The following TAS2R1 variants were observed in gnomAD, a reference collection of about 807,000 sequenced individuals.
The protein encoded by TAS2R1 is taste receptor type 2 member 1.
For missense variants in TAS2R1, 370 were observed against 353.4 expected (o/e 1.05, Z -0.38); for synonymous variants, 141 against 134.2 (o/e 1.05, Z -0.35).
the TAS2R1 span, among the ~76,000 whole-genome samples, chr5:9,801,157 T>C: frequency 2.6e-5 from 4 of 152,172 alleles, no homozygotes; most frequent in Admixed American, 6.5e-5. Context: ...CACTATTGCA[T>C]TCCAGCCTGG....
chr5:9,824,371 A>G, the TAS2R1 span, among the ~76,000 whole-genome samples: 1 of 152,236 alleles, frequency 6.6e-6, no homozygotes, highest in African/African-American at 2.4e-5. Context: ...TTGATGGAAC[A>G]GCAGCCAGAT....
At chr5:9,693,175 T>A (rs979497950) in intron 1 of TAS2R1, among the ~76,000 whole-genome samples, 9 of 152,120 alleles carry the variant, frequency 5.9e-5, no homozygotes, top group African/African-American at 1.9e-4. Context: ...TTAATATAAA[T>A]TCTGATGAAT....
Position 9,630,165 on chromosome 5 carries a change from G to T in TAS2R1, c.-133C>A, listed in dbSNP as rs1180585962. Reference sequence around the variant, plus strand: ...GACTAACAATAAAGGCATGGGGCAGGAAGGTGGTGTACATTTGTTTATGTC... The same window carrying T: ...GACTAACAATAAAGGCATGGGGCAGTAAGGTGGTGTACATTTGTTTATGTC... On this transcript the variant is annotated 5_prime_UTR_variant, in exon 1 of 1. Coordinates refer to ENST00000382492, the MANE Select transcript of TAS2R1 (RefSeq NM_019599.3). The T allele has an allele frequency of 2.9e-6, 2 of 700,042 alleles. No homozygotes were observed. The highest frequency in any genetic ancestry group is 1.8e-5 in the African/African-American group (1 of 55,562). 43.4% of individuals were successfully genotyped at this position (700,042 alleles called of 1,614,324 possible). A position where few individuals can be genotyped will look rare whatever the true frequency, so the allele number is the denominator to read the frequency against.
intron 2 of TAS2R1, among the ~76,000 whole-genome samples, chr5:9,654,966 A>G (rs772251668): frequency 6.6e-6 from 1 of 152,232 alleles, no homozygotes; most frequent in Non-Finnish European, 1.5e-5. Flanking sequence ...TGCTCACAGT[A>G]GCTTTATTTA....
the TAS2R1 span, among the ~76,000 whole-genome samples, chr5:9,781,329 T>C: frequency 6.6e-6 from 1 of 152,276 alleles, no homozygotes; most frequent in Non-Finnish European, 1.5e-5. Context: ...TGCATTCAAA[T>C]CCTGCTGGCT....
chr5:9,655,581 C>T (rs995341558), intron 2 of TAS2R1, among the ~76,000 whole-genome samples: 44 of 151,930 alleles, frequency 2.9e-4, no homozygotes, highest in African/African-American at 9.7e-4. Flanking sequence ...ATATAAGCCC[C>T]AAACAAAATT....
chr5:9,658,034 C>T (rs963001726), intron 2 of TAS2R1, among the ~76,000 whole-genome samples: 1 of 152,120 alleles, frequency 6.6e-6, no homozygotes, highest in Non-Finnish European at 1.5e-5. Flanking sequence ...AAATCCAGGG[C>T]TCCTCCCCTT....
Position 9,629,518 on chromosome 5 carries a change from A to C in TAS2R1, c.515T>G (p.Leu172Arg). ...AACAAAAGAGAAAATCTGTATAGCC[A>C]GTGTATCTTCTTTTTGAATTGTGGC... The part of the protein sequence containing the change: ...QNATIQKEDT[L>R]AIQIFSFVAE... The change falls in exon 1 of 1, where the codon CTG (leucine) becomes CGG (arginine). Residue 172 changes from leucine to arginine, a missense_variant. Leu to Arg is a moderately radical substitution (Grantham distance 102). Coordinates refer to ENST00000382492, the MANE Select transcript of TAS2R1 (RefSeq NM_019599.3). 1 of 1,614,148 alleles carries C rather than the reference A, an allele frequency of 6.2e-7. No homozygotes were observed. Among genetic ancestry groups the C allele is most frequent in the South Asian group, 1.1e-5 (1 of 91,080 alleles).
the TAS2R1 span, among the ~76,000 whole-genome samples, chr5:9,858,817 G>C: frequency 2.6e-5 from 4 of 152,148 alleles, no homozygotes; most frequent in African/African-American, 9.7e-5. Flanking sequence ...GCACTTCCCT[G>C]TCTGTATAAT....
the TAS2R1 span, among the ~76,000 whole-genome samples, chr5:9,872,041 T>A: frequency 1.6e-4 from 25 of 152,080 alleles, no homozygotes; most frequent in Non-Finnish European, 8.8e-5. Context: ...AAGTTATATA[T>A]GGGCATAAAT....
chr5:9,660,225 A>ATTTTTTTT (rs35208333), intron 1 of TAS2R1, among the ~76,000 whole-genome samples: 736 of 88,684 alleles, frequency 8.3e-3, no homozygotes, highest in Non-Finnish European at 0.01. Context: ...CTCCCGGCTA[A>ATTTTTTTT]TTTTTTTTTT....
chr5:9,894,685 T>C, the TAS2R1 span, among the ~76,000 whole-genome samples: 1 of 152,256 alleles, frequency 6.6e-6, no homozygotes. Context: ...AGTTCTATCC[T>C]GGTCACCTAG....
chr5:9,642,203 C>T (rs777883560), intron 2 of TAS2R1, among the ~76,000 whole-genome samples: 18 of 152,174 alleles, frequency 1.2e-4, no homozygotes, highest in Middle Eastern at 6.8e-3. Context: ...TTCTGCTTTC[C>T]GGCGGCACTT....
chr5:9,895,471 G>A, the TAS2R1 span, among the ~76,000 whole-genome samples: 1 of 152,200 alleles, frequency 6.6e-6, no homozygotes, highest in East Asian at 1.9e-4. Context: ...GGCTGAGCCG[G>A]GCAGCAGGCA....
chr5:9,855,567 A>G, the TAS2R1 span, among the ~76,000 whole-genome samples: 1 of 152,206 alleles, frequency 6.6e-6, no homozygotes, highest in African/African-American at 2.4e-5. Flanking sequence ...ACTTCAAGTA[A>G]TTGGGCAAAT....
chr5:9,738,594 A>G, the TAS2R1 span, among the ~76,000 whole-genome samples: 1 of 152,136 alleles, frequency 6.6e-6, no homozygotes. Context: ...TTAAACACCC[A>G]TTTCTATTTT....
chr5:9,628,985 C>A lies in TAS2R1; in HGVS notation c.*148G>T. ...TTAACTGCTTGAAAAAGTAGCATAT[C>A]CACAGAAATACCTCAGGCTGGATAA... On this transcript the variant is annotated 3_prime_UTR_variant, in exon 1 of 1. Transcript: ENST00000382492. 1.3e-6 allele frequency: 1 copy of A among 761,896 alleles called. No individual in the cohort carries two copies. The highest frequency in any genetic ancestry group is 3.5e-5 in the South Asian group (1 of 28,290). The allele number at this position is 761,896 out of a possible 1,614,324, so 47.2% of individuals were successfully genotyped here.
chr5:9,732,470 G>A, the TAS2R1 span, among the ~76,000 whole-genome samples: 2 of 152,142 alleles, frequency 1.3e-5, no homozygotes, highest in Non-Finnish European at 2.9e-5. Context: ...ATTGCACAGA[G>A]GGTGGCTTGG....
At chr5:9,834,824 G>A in the TAS2R1 span, among the ~76,000 whole-genome samples, 1 of 151,722 alleles carries the variant, frequency 6.6e-6, no homozygotes, top group South Asian at 2.1e-4. Flanking sequence ...TTCTTACGGG[G>A]AGAAGCACTT....
Sources: allele counts gnomAD v4.1 joint callset (sites outside exome capture counted in the v4.1 genomes callset), GRCh38; gene constraint gnomAD v4.1.1; transcripts MANE v1.5; gene names NCBI Gene and HGNC (gene_info 2026-07-23, HGNC 2026-07-21).